Variants in SLC2A9 observed in about 807,000 individuals in gnomAD.
SLC2A9 encodes solute carrier family 2 member 9.
A neutral mutation model predicts 50.6 loss-of-function variants in SLC2A9; 39 were observed. The observed-to-expected ratio is 0.77, with a 90% CI of 0.60 to 1.01. The LOEUF is 1.01. Among genes scored for constraint, SLC2A9 ranks in the 50% least tolerant of loss-of-function variants. SLC2A9 has a pLI of 0.00. For missense variants in SLC2A9, 686 were observed against 677.6 expected, an observed-to-expected ratio of 1.01 and a Z score of -0.14; for synonymous variants, 324 against 276.9, an observed-to-expected ratio of 1.17 and a Z score of -1.69.
At chr4:9,870,408 G>A (rs1733221269) in intron 10 of SLC2A9, among the ~76,000 whole-genome samples, 1 of 152,210 alleles carries the variant, frequency 6.6e-6, no homozygotes, top group Non-Finnish European at 1.5e-5. Context: ...CTATGAGCCT[G>A]ACAGGTGTCA....
At position 9,826,345 on chromosome 4, in the gene SLC2A9, T is replaced by G; in HGVS notation, c.*52A>C. 2.5e-6 allele frequency: 4 copies of G among 1,577,374 alleles called. No individual in the cohort carries two copies. In the South Asian group the frequency reaches 4.4e-5, roughly 17 times the overall value. On this transcript the variant is annotated 3_prime_UTR_variant, in exon 12 of 12. Transcript: ENST00000264784. ...GTTTCCTGAAAAGTGAGATCATCCA[T>G]GTAGACAATCCTGTTTTTGACATAA...
chr4:9,933,625 G>C (rs1043930533), intron 6 of SLC2A9, among the ~76,000 whole-genome samples: 1 of 152,148 alleles, frequency 6.6e-6, no homozygotes, highest in Non-Finnish European at 1.5e-5. Flanking sequence ...TGAGGACTAA[G>C]GTAATGGTTG....
intron 7 of SLC2A9, among the ~76,000 whole-genome samples, chr4:9,915,301 G>A (rs1272065541): frequency 2.0e-5 from 3 of 152,202 alleles, no homozygotes; most frequent in East Asian, 1.9e-4. Context: ...GCAATGGTGC[G>A]ATCTCAGCTC....
intron 9 of SLC2A9, among the ~76,000 whole-genome samples, chr4:9,889,938 T>C (rs1471851174): frequency 3.3e-5 from 5 of 152,188 alleles, no homozygotes; most frequent in Admixed American, 6.5e-5. Context: ...TCAGTTTCCT[T>C]ATCTCCATAA....
At chr4:9,855,272 C>G (rs765794055) in intron 10 of SLC2A9, among the ~76,000 whole-genome samples, 1 of 152,190 alleles carries the variant, frequency 6.6e-6, no homozygotes, top group Non-Finnish European at 1.5e-5. Flanking sequence ...TTTCAAGATA[C>G]AAAATTAATG....
chr4:9,914,947 A>G (rs1013047800), intron 7 of SLC2A9, among the ~76,000 whole-genome samples: 6 of 152,356 alleles, frequency 3.9e-5, no homozygotes, highest in Admixed American at 1.3e-4. Flanking sequence ...AGCTTTTCTA[A>G]GAGTGTTGGA....
At chr4:9,842,839 C>G (rs1261692867) in intron 10 of SLC2A9, among the ~76,000 whole-genome samples, 1 of 152,136 alleles carries the variant, frequency 6.6e-6, no homozygotes, top group Non-Finnish European at 1.5e-5. Flanking sequence ...GTATCCTATT[C>G]TGGATTGCCC....
intron 4 of SLC2A9, among the ~76,000 whole-genome samples, chr4:9,985,199 C>G (rs1756506665): frequency 6.6e-6 from 1 of 152,100 alleles, no homozygotes; most frequent in South Asian, 2.1e-4. Flanking sequence ...AATGTAAGCT[C>G]CAGGGACAGG....
intron 10 of SLC2A9, among the ~76,000 whole-genome samples, chr4:9,844,628 G>A (rs1254453703): frequency 1.3e-5 from 2 of 152,240 alleles, no homozygotes; most frequent in African/African-American, 4.8e-5. Flanking sequence ...TCTGTTCTCT[G>A]TGAATCTGTG....
intron 3 of SLC2A9, among the ~76,000 whole-genome samples, chr4:9,803,344 A>C (rs1316242378): frequency 6.6e-6 from 1 of 152,252 alleles, no homozygotes; most frequent in Non-Finnish European, 1.5e-5. Flanking sequence ...TTTTTACTAC[A>C]TCCTCTAGCA....
At chr4:9,943,523 C>T (rs945345566) in intron 5 of SLC2A9, among the ~76,000 whole-genome samples, 10 of 151,930 alleles carry the variant, frequency 6.6e-5, no homozygotes, top group African/African-American at 1.2e-4. Flanking sequence ...GGAGTGACTG[C>T]GCATGGGTGT....
chr4:9,880,277 A>G (rs188461331), intron 10 of SLC2A9: 24 of 985,518 alleles, frequency 2.4e-5, no homozygotes, highest in Non-Finnish European at 2.9e-5. Flanking sequence ...TCTTGTGGCT[A>G]AAGTCATTGC....
At chr4:10,018,153 G>A (rs1296423406) in intron 2 of SLC2A9, among the ~76,000 whole-genome samples, 10 of 152,198 alleles carry the variant, frequency 6.6e-5, no homozygotes, top group Non-Finnish European at 1.2e-4. Flanking sequence ...AAGAGGGCCT[G>A]GGAGAATTGC....
intron 9 of SLC2A9, among the ~76,000 whole-genome samples, chr4:9,890,172 G>A (rs1042431897): frequency 6.6e-6 from 1 of 152,212 alleles, no homozygotes; most frequent in African/African-American, 2.4e-5. Flanking sequence ...GGTCCACACA[G>A]GCTGTCTGGC....
intron 10 of SLC2A9, among the ~76,000 whole-genome samples, chr4:9,886,203 C>A (rs1473129675): frequency 9.2e-5 from 14 of 152,196 alleles, no homozygotes; most frequent in Non-Finnish European, 1.5e-5. Flanking sequence ...ACGCATGTCC[C>A]CAGGCTAGCA....
intron 10 of SLC2A9, among the ~76,000 whole-genome samples, chr4:9,871,474 G>A (rs1320180576): frequency 6.6e-6 from 1 of 152,110 alleles, no homozygotes; most frequent in Non-Finnish European, 1.5e-5. Context: ...TGGTGCTGCT[G>A]GCAATCCTTG....
chr4:9,822,467 T>G (rs1189211569), downstream of SLC2A9, among the ~76,000 whole-genome samples: 1 of 151,988 alleles, frequency 6.6e-6, no homozygotes, highest in Non-Finnish European at 1.5e-5. Context: ...TAATTCCTCT[T>G]GTTTCAAAAT....
chr4:9,801,239 C>T (rs1222245637), intron 3 of SLC2A9, among the ~76,000 whole-genome samples: 2 of 152,160 alleles, frequency 1.3e-5, no homozygotes, highest in African/African-American at 4.8e-5. Flanking sequence ...ATCTCTCAGC[C>T]TCGCTACCAC....
At chr4:9,812,297 C>G (rs1206480132) in intron 3 of SLC2A9, among the ~76,000 whole-genome samples, 1 of 152,166 alleles carries the variant, frequency 6.6e-6, no homozygotes, top group Admixed American at 6.5e-5. Context: ...GCGGCAACTC[C>G]TGGAGATTTA....
Sources: allele counts gnomAD v4.1 joint callset (sites outside exome capture counted in the v4.1 genomes callset), GRCh38; gene constraint gnomAD v4.1.1; transcripts MANE v1.5; gene names NCBI Gene and HGNC (gene_info 2026-07-23, HGNC 2026-07-21).